CADM2: variants seen among roughly 807,000 people sequenced by gnomAD.
CADM2 encodes cell adhesion molecule 2.
In CADM2, 12 loss-of-function variants were observed where a neutral mutation model predicts 49.8. The ratio of observed to expected loss-of-function variants is 0.24; its 90% CI spans 0.15 to 0.39. CADM2 has a LOEUF of 0.39. Among genes scored for constraint, CADM2 ranks in the 10% least tolerant of loss-of-function variants. CADM2 has a pLI of 1.00. For synonymous variants in CADM2, 214 were observed against 175.4 expected, an observed-to-expected ratio of 1.22 and a Z score of -1.74; for missense variants, 378 against 492.3, an observed-to-expected ratio of 0.77 and a Z score of 2.20.
At chr3:85,029,853 A>G (rs184414315) in intron 1 of CADM2, among the ~76,000 whole-genome samples, 28 of 152,306 alleles carry the variant, frequency 1.8e-4, no homozygotes, top group South Asian at 6.2e-4. Flanking sequence ...AAAGACTTTC[A>G]ATAGGACATT....
chr3:85,078,860 T>G (rs1034367079), intron 1 of CADM2, among the ~76,000 whole-genome samples: 1 of 151,864 alleles, frequency 6.6e-6, no homozygotes, highest in Admixed American at 6.6e-5. Flanking sequence ...CGTAGCACTT[T>G]ATAATAAAGT....
intron 1 of CADM2, among the ~76,000 whole-genome samples, chr3:85,308,025 G>A (rs886844050): frequency 1.4e-4 from 21 of 150,876 alleles, no homozygotes; most frequent in African/African-American, 4.9e-4. Context: ...AATGTGCAAC[G>A]TTTATAAATT....
chr3:85,460,061 C>T (rs1237814039), intron 1 of CADM2, among the ~76,000 whole-genome samples: 1 of 152,146 alleles, frequency 6.6e-6, no homozygotes, highest in African/African-American at 2.4e-5. Context: ...TTCATCTCTT[C>T]TACCTCAGCT....
chr3:85,378,654 G>T (rs1020873565), intron 1 of CADM2, among the ~76,000 whole-genome samples: 2 of 151,862 alleles, frequency 1.3e-5, no homozygotes, highest in African/African-American at 2.4e-5. Context: ...GAAGAAAACT[G>T]AGTATGAGAG....
chr3:85,554,311 G>A (rs2061893745), intron 1 of CADM2, among the ~76,000 whole-genome samples: 1 of 152,146 alleles, frequency 6.6e-6, no homozygotes, highest in South Asian at 2.1e-4. Flanking sequence ...CTGACAGGAG[G>A]TGGAGTTCAG....
At chr3:85,342,624 G>A (rs1011398008) in intron 1 of CADM2, among the ~76,000 whole-genome samples, 2 of 148,396 alleles carry the variant, frequency 1.3e-5, no homozygotes, top group African/African-American at 4.9e-5. Flanking sequence ...AGGAGAGAAG[G>A]GTATTGGATA....
At chr3:85,562,083 G>C (rs1175850799) in intron 1 of CADM2, among the ~76,000 whole-genome samples, 1 of 152,090 alleles carries the variant, frequency 6.6e-6, no homozygotes, top group Non-Finnish European at 1.5e-5. Flanking sequence ...TTGGAGCTAG[G>C]TAACGTTCAC....
chr3:85,007,086 A>G (rs559881903), intron 1 of CADM2, among the ~76,000 whole-genome samples: 1 of 152,264 alleles, frequency 6.6e-6, no homozygotes, highest in African/African-American at 2.4e-5. Context: ...TGTTTTCTTC[A>G]GAGAGCTATC....
At chr3:85,156,312 A>T (rs2040120770) in intron 1 of CADM2, among the ~76,000 whole-genome samples, 1 of 152,144 alleles carries the variant, frequency 6.6e-6, no homozygotes, top group Admixed American at 6.5e-5. Flanking sequence ...ATCCCATAGA[A>T]ATACAAACTA....
intron 1 of CADM2, among the ~76,000 whole-genome samples, chr3:85,723,363 G>A (rs944057652): frequency 1.8e-4 from 28 of 151,614 alleles, no homozygotes; most frequent in African/African-American, 4.6e-4. Context: ...GATAATTTTC[G>A]GTCACTTGGG....
intron 1 of CADM2, among the ~76,000 whole-genome samples, chr3:85,179,075 C>G (rs558426029): frequency 6.6e-6 from 1 of 151,992 alleles, no homozygotes; most frequent in African/African-American, 2.4e-5. Context: ...ATCATTATTA[C>G]TGAGGTATAA....
chr3:85,322,634 A>G (rs2107112838), intron 1 of CADM2, among the ~76,000 whole-genome samples: 1 of 152,308 alleles, frequency 6.6e-6, no homozygotes, highest in South Asian at 2.1e-4. Flanking sequence ...AAAAATAGTA[A>G]ATTGATTTCT....
chr3:85,687,966 C>T (rs568794236), intron 1 of CADM2, among the ~76,000 whole-genome samples: 3 of 152,280 alleles, frequency 2.0e-5, no homozygotes, highest in South Asian at 2.1e-4. Flanking sequence ...TTGTGAACTG[C>T]GCATTCCAGG....
intron 1 of CADM2, among the ~76,000 whole-genome samples, chr3:85,725,912 C>T (rs1397322986): frequency 6.6e-6 from 1 of 151,988 alleles, no homozygotes; most frequent in African/African-American, 2.4e-5. Context: ...AGCACAGATT[C>T]TGGAGTCAGA....
At chr3:85,978,686 C>T (rs1490722212) in intron 8 of CADM2, among the ~76,000 whole-genome samples, 1 of 151,556 alleles carries the variant, frequency 6.6e-6, no homozygotes, top group Non-Finnish European at 1.5e-5. Flanking sequence ...ATCATTAAGT[C>T]TTCCTAAAAG....
At chr3:85,122,770 C>T (rs1226100071) in intron 1 of CADM2, among the ~76,000 whole-genome samples, 1 of 152,056 alleles carries the variant, frequency 6.6e-6, no homozygotes, top group Admixed American at 6.6e-5. Flanking sequence ...GATAGTATCA[C>T]CTAGACCCTC....
chr3:86,049,377 C>T (rs180795635), intron 8 of CADM2, among the ~76,000 whole-genome samples: 49 of 151,728 alleles, frequency 3.2e-4, no homozygotes, highest in Non-Finnish European at 5.0e-4. Context: ...CAGGTTCACG[C>T]CATCCTCCTG....
At chr3:85,365,183 T>A (rs189561934) in intron 1 of CADM2, among the ~76,000 whole-genome samples, 1,480 of 62,398 alleles carry the variant, frequency 0.024, 15 homozygotes, top group Non-Finnish European at 0.033. Flanking sequence ...ATTGGGAGGG[T>A]TTTTTTTTTT....
intron 8 of CADM2, chr3:86,014,766 T>C: frequency 1.4e-6 from 2 of 1,481,356 alleles, no homozygotes; most frequent in Non-Finnish European, 1.8e-6. Context: ...CAAGCTTCAC[T>C]GTTGGAGAAT....
Sources: gnomAD v4.1 joint callset for allele counts (sites outside exome capture counted in the v4.1 genomes callset) on GRCh38, gnomAD v4.1.1 for gene constraint, MANE v1.5 for transcripts, NCBI Gene and HGNC (gene_info 2026-07-23, HGNC 2026-07-21) for gene names.